BOK: variants seen among roughly 807,000 people sequenced by gnomAD.
BOK encodes the protein BCL2 family apoptosis regulator BOK.
Under a neutral mutation model 18.3 loss-of-function variants are expected in BOK, and 20 were observed. That is an observed-to-expected ratio of 1.09 (90% CI 0.77 to 1.59). The LOEUF (loss-of-function observed/expected upper bound fraction) is 1.59, where lower values mean the gene tolerates loss of function less well. Among genes scored for constraint, BOK ranks in the 40% most tolerant of loss-of-function variants. The probability of loss-of-function intolerance (pLI) is 0.00; values close to 1 mark genes in which losing one functional copy is unlikely to be tolerated. For synonymous variants in BOK, 173 were observed against 142.4 expected, an observed-to-expected ratio of 1.21 and a Z score of -1.53; for missense variants, 348 against 307.9, an observed-to-expected ratio of 1.13 and a Z score of -0.97.
intron 3 of BOK, among the ~76,000 whole-genome samples, chr2:241,566,417 G>A (rs2125051521): frequency 6.6e-6 from 1 of 150,682 alleles, no homozygotes; most frequent in African/African-American, 2.4e-5. Context: ...TCCTGCCTCA[G>A]CCTCTCGAGT....
At chr2:241,552,284 C>T (rs2066419575) in intron 1 of BOK, among the ~76,000 whole-genome samples, 1 of 152,198 alleles carries the variant, frequency 6.6e-6, no homozygotes, top group Non-Finnish European at 1.5e-5. Flanking sequence ...TGATCCAACT[C>T]AGAATGCGGG....
At position 241,572,509 on chromosome 2, in the gene BOK, A is replaced by G; in HGVS notation, c.*87A>G. The G allele has an allele frequency of 2.7e-6, 4 of 1,500,574 alleles. No homozygotes were observed. Among genetic ancestry groups the G allele is most frequent in the Non-Finnish European group, 3.6e-6 (4 of 1,124,242 alleles). 93.0% of individuals were successfully genotyped at this position (1,500,574 alleles called of 1,614,324 possible). A position where few individuals can be genotyped will look rare whatever the true frequency, so the allele number is the denominator to read the frequency against. The stretch of plus-strand genomic sequence containing the variant: ...ACCCGAACACATCTTCCTCCTCCCC[A>G]CCCGAGCCTGGAGCACTCTAACCCT... On this transcript the variant is annotated 3_prime_UTR_variant, in exon 5 of 5. Transcript: ENST00000318407.
In BOK at chr2:241,573,371, C is replaced by CG. The variant is rs1424003913; in HGVS notation, c.*954dup. On this transcript the variant is annotated 3_prime_UTR_variant, in exon 5 of 5. Transcript: ENST00000318407. ...CCCGGGAACACCTCTCACCTGAACC[C>CG]GGGGGTCCCATCCCAGGAAGAAGGG... The CG allele has an allele frequency of 6.6e-6, 1 of 152,328 alleles. No homozygotes were observed. The highest frequency in any genetic ancestry group is 1.5e-5 in the Non-Finnish European group (1 of 68,114). The allele number at this position is 152,328 out of a possible 1,614,324, so 9.4% of individuals were successfully genotyped here.
chr2:241,555,533 G>A (rs933329121), upstream of BOK, among the ~76,000 whole-genome samples: 1 of 152,032 alleles, frequency 6.6e-6, no homozygotes, highest in Non-Finnish European at 1.5e-5. Context: ...GCGCCACCAC[G>A]CCTGGCTAAT....
At chr2:241,559,413 C>T (rs1486972754) in intron 1 of BOK, 42 bp from the exon 2 acceptor site, 2 of 1,248,820 alleles carry the variant, frequency 1.6e-6, no homozygotes, top group Middle Eastern at 2.9e-4. Context: ...CCCCGTTCCC[C>T]GCGCCGCCTC....
At position 241,573,885 on chromosome 2, in the gene BOK, C is replaced by T. The variant is rs928900936; in HGVS notation, c.*1463C>T. 2.0e-5 allele frequency: 3 copies of T among 152,326 alleles called. No homozygotes were observed. Among genetic ancestry groups the T allele is most frequent in the Admixed American group, 6.5e-5 (1 of 15,286 alleles). 9.4% of individuals were successfully genotyped at this position (152,326 alleles called of 1,614,324 possible). A position where few individuals can be genotyped will look rare whatever the true frequency, so the allele number is the denominator to read the frequency against. ...ATCTTTCCTGGAGCCCCGAGCCAGC[C>T]CTGTCCCTCCCCAGTGCAGCATGGC... On this transcript the variant is annotated 3_prime_UTR_variant, in exon 5 of 5. Coordinates refer to ENST00000318407, the MANE Select transcript of BOK (RefSeq NM_032515.5).
chr2:241,568,590 G>T (rs916776609), intron 3 of BOK, among the ~76,000 whole-genome samples: 4 of 152,036 alleles, frequency 2.6e-5, no homozygotes, highest in Admixed American at 2.6e-4. Flanking sequence ...GCTAATTTTT[G>T]TATTTTTAGT....
chr2:241,558,128 A>G (rs944153153), upstream of BOK, among the ~76,000 whole-genome samples: 8 of 150,810 alleles, frequency 5.3e-5, no homozygotes, highest in Non-Finnish European at 7.4e-5. Flanking sequence ...AATTCGGTGG[A>G]AAAAAAATGA....
rs772966100 is a variant in BOK, at chr2:241,562,578, G to A, written c.349+102G>A. ...CGAGCTGGCCCCCACCCATCCTGGC[G>A]CTGCCCAGTGCCCACCGGTGCCATC... On this transcript the variant is annotated intron_variant, in intron 3 of 4. Coordinates refer to ENST00000318407, the MANE Select transcript of BOK (RefSeq NM_032515.5). This position sits in a 1 kb window ranked among gnomAD's most constrained non-coding sequence, Gnocchi z 4.5. 61 of 1,401,178 alleles carry A rather than the reference G, an allele frequency of 4.4e-5. No homozygotes were observed. The highest frequency in any genetic ancestry group is 1.0e-4 in the South Asian group (7 of 68,160). 86.8% of individuals were successfully genotyped at this position (1,401,178 alleles called of 1,614,324 possible).
intron 4 of BOK, 106 bp from the exon 5 acceptor site, chr2:241,572,191 A>C: frequency 2.7e-6 from 4 of 1,504,370 alleles, no homozygotes; most frequent in Non-Finnish European, 3.6e-6. Context: ...CATTCCCTTC[A>C]TGCAATTTTG....
At chr2:241,567,963 G>A (rs547215529) in intron 3 of BOK, among the ~76,000 whole-genome samples, 2 of 152,162 alleles carry the variant, frequency 1.3e-5, no homozygotes, top group African/African-American at 4.8e-5. Context: ...CCCACTGCCA[G>A]CCGTGAGCCT....
intron 3 of BOK, among the ~76,000 whole-genome samples, chr2:241,568,302 A>G (rs763252377): frequency 8.6e-5 from 13 of 150,762 alleles, no homozygotes; most frequent in Non-Finnish European, 1.6e-4. Context: ...TTGTGTTTTT[A>G]GTAGAGATGG....
chr2:241,560,860 G>A (rs1173582022), intron 2 of BOK, among the ~76,000 whole-genome samples: 1 of 152,074 alleles, frequency 6.6e-6, no homozygotes, highest in Non-Finnish European at 1.5e-5. Context: ...TGTCTAGGGG[G>A]ACCCCAGAGG....
At position 241,559,547 on chromosome 2, in the gene BOK, C is replaced by A. The variant is rs750764314; in HGVS notation, c.64C>A (p.Pro22Thr). The change falls in exon 2 of 5, where the codon CCC becomes ACC. Residue 22 changes from proline (P) to threonine (T), a missense_variant. By Grantham distance (38) the Pro-to-Thr change is conservative. Transcript: ENST00000318407. ...GATCATGGACGCCTTTGACCGCTCG[C>A]CCACAGACAAGGAGCTGGTGGCCCA... ...AEIMDAFDRS[P>T]TDKELVAQAK... 1 of 1,528,216 alleles carries A rather than the reference C, an allele frequency of 6.5e-7. No homozygotes were observed. Among genetic ancestry groups the A allele is most frequent in the Admixed American group, 2.0e-5 (1 of 50,752 alleles). The allele number at this position is 1,528,216 out of a possible 1,614,324, so 94.7% of individuals were successfully genotyped here.
At chr2:241,553,791 A>T (rs1463911752), upstream of BOK, among the ~76,000 whole-genome samples, 1 of 152,134 alleles carries the variant, frequency 6.6e-6, no homozygotes, top group Non-Finnish European at 1.5e-5. Context: ...TATCACCCAC[A>T]CAACTCACTT....
At position 241,566,224 on chromosome 2, in the gene BOK, C is replaced by T. The variant is rs919586174; in HGVS notation, c.349+3748C>T. ...GCTTGAACCCGGGAGGCGCAGGTTG[C>T]GGTGAGCCGAGATTGTGCCACTGCT... On this transcript the variant is annotated intron_variant, in intron 3 of 4. Coordinates refer to ENST00000318407, the MANE Select transcript of BOK (RefSeq NM_032515.5). Among the ~76,000 whole-genome samples, 7 of 151,718 alleles carry T rather than the reference C, an allele frequency of 4.6e-5. 1 individual carries two copies. The highest frequency in any genetic ancestry group is 3.9e-4 in the East Asian group (2 of 5,152).
chr2:241,563,849 C>T (rs1034514770), intron 3 of BOK, among the ~76,000 whole-genome samples: 51 of 152,020 alleles, frequency 3.4e-4, no homozygotes, highest in African/African-American at 1.1e-3. Flanking sequence ...GCCTCGGGAC[C>T]TCCACCCACC....
chr2:241,555,181 T>C (rs960927436), upstream of BOK, among the ~76,000 whole-genome samples: 4 of 152,144 alleles, frequency 2.6e-5, no homozygotes, highest in African/African-American at 9.7e-5. Flanking sequence ...AATCTCCTCA[T>C]CTGCTCTCTT....
At chr2:241,559,356 G>A (rs1255669332) in intron 1 of BOK, 99 bp from the exon 2 acceptor site, 1 of 668,958 alleles carries the variant, frequency 1.5e-6, no homozygotes, top group Admixed American at 4.5e-5. Flanking sequence ...ACCCGGCGCC[G>A]GCTACGGCCC....
Sources: allele counts gnomAD v4.1 joint callset (sites outside exome capture counted in the v4.1 genomes callset), GRCh38; gene constraint gnomAD v4.1.1; non-coding constraint Gnocchi (gnomAD v3.1); transcripts MANE v1.5; gene names NCBI Gene and HGNC (gene_info 2026-07-23, HGNC 2026-07-21).